HCN1: variants seen among roughly 807,000 people sequenced by gnomAD.
HCN1 encodes the protein hyperpolarization activated cyclic nucleotide gated potassium channel 1.
Under a neutral mutation model 78.9 loss-of-function variants are expected in HCN1, and 13 were observed. That is an observed-to-expected ratio of 0.16 (90% CI 0.11 to 0.26). The LOEUF (loss-of-function observed/expected upper bound fraction) is 0.26, where lower values mean the gene tolerates loss of function less well. Among genes scored for constraint, HCN1 ranks in the 10% least tolerant of loss-of-function variants. The pLI is 1.00. For synonymous variants in HCN1, 552 were observed against 455.5 expected (o/e 1.21, Z -2.70); for missense variants, 810 against 1,154.3 (o/e 0.70, Z 4.32).
chr5:45,606,639 C>A lies in HCN1; in HGVS notation c.849+38546G>T, dbSNP rs1344887074. Among the ~76,000 whole-genome samples, 14 of 151,990 alleles carry A rather than the reference C, an allele frequency of 9.2e-5. No individual in the cohort carries two copies. In the East Asian group the frequency reaches 2.5e-3, roughly 27 times the overall value. ...TAAAACCCATCCCACAAAAGCACAC[C>A]ATCTATCTAGGCCTGGCTTTGGAAA... On this transcript the variant is annotated intron_variant, in intron 2 of 7. Coordinates refer to ENST00000303230, the MANE Select transcript of HCN1 (RefSeq NM_021072.4).
intron 6 of HCN1, among the ~76,000 whole-genome samples, chr5:45,293,033 C>A (rs896375906): frequency 2.0e-5 from 3 of 151,974 alleles, no homozygotes; most frequent in African/African-American, 7.2e-5. Context: ...TTACCTAACA[C>A]CAGCACAAAG....
Position 45,371,112 on chromosome 5 carries a change from G to T in HCN1, c.1231-17866C>A, listed in dbSNP as rs562504121. On this transcript the variant is annotated intron_variant, in intron 4 of 7. Transcript: ENST00000303230. ...TAAGATACAACATACCAGAATCTCTGGGACTCAGCTAAGGCAGCGATAAGA... is the reference window on the plus strand; with the variant it reads ...TAAGATACAACATACCAGAATCTCTTGGACTCAGCTAAGGCAGCGATAAGA... 3.3e-5 allele frequency among the ~76,000 whole-genome samples: 5 copies of T among 152,076 alleles called. No homozygotes were observed. The South Asian group carries it at 8.3e-4, about 25-fold the overall frequency.
intron 2 of HCN1, among the ~76,000 whole-genome samples, chr5:45,541,402 G>A (rs531800812): frequency 1.6e-4 from 25 of 152,148 alleles, no homozygotes; most frequent in Non-Finnish European, 2.5e-4. Flanking sequence ...ACCTAGCCCC[G>A]TCCCTGTTTA....
At chr5:45,580,169 A>G (rs1271667775) in intron 2 of HCN1, among the ~76,000 whole-genome samples, 1 of 152,050 alleles carries the variant, frequency 6.6e-6, no homozygotes, top group Non-Finnish European at 1.5e-5. Flanking sequence ...AAGGAAATTA[A>G]GGTTGTGGAG....
Position 45,313,702 on chromosome 5 carries a change from G to A in HCN1, c.1378-9863C>T, listed in dbSNP as rs151310365. Among the ~76,000 whole-genome samples, 1,061 of 152,258 alleles carry A rather than the reference G, an allele frequency of 7.0e-3. 16 individuals are homozygous for A. Among genetic ancestry groups the A allele is most frequent in the African/African-American group, 0.024 (1,007 of 41,544 alleles). On this transcript the variant is annotated intron_variant, in intron 5 of 7. Coordinates refer to ENST00000303230, the MANE Select transcript of HCN1 (RefSeq NM_021072.4). The stretch of plus-strand genomic sequence containing the variant: ...CTGATGGAGCTGAAAACCATGGCAC[G>A]AGAACTAAGGGACGAATGCACAAGC...
At chr5:45,340,819 A>T (rs1746562838) in intron 5 of HCN1, among the ~76,000 whole-genome samples, 1 of 152,212 alleles carries the variant, frequency 6.6e-6, no homozygotes, top group African/African-American at 2.4e-5. Flanking sequence ...AGAATGAGAC[A>T]TCAGTTTTAA....
intron 2 of HCN1, among the ~76,000 whole-genome samples, chr5:45,485,497 T>C (rs1741738229): frequency 6.6e-6 from 1 of 152,108 alleles, no homozygotes; most frequent in Non-Finnish European, 1.5e-5. Flanking sequence ...AACAAAACAG[T>C]TTTTTCATCT....
chr5:45,580,466 T>A (rs1220333598), intron 2 of HCN1, among the ~76,000 whole-genome samples: 1 of 152,082 alleles, frequency 6.6e-6, no homozygotes, highest in Middle Eastern at 3.2e-3. Flanking sequence ...CCTACCTACA[T>A]CTTGATTTAA....
At chr5:45,509,377 C>T (rs1742364972) in intron 2 of HCN1, among the ~76,000 whole-genome samples, 1 of 151,994 alleles carries the variant, frequency 6.6e-6, no homozygotes, top group African/African-American at 2.4e-5. Flanking sequence ...TATATGCTCA[C>T]AGGCTGAGGA....
intron 3 of HCN1, among the ~76,000 whole-genome samples, chr5:45,454,710 C>T (rs1039578405): frequency 6.6e-6 from 1 of 151,810 alleles, no homozygotes; most frequent in South Asian, 2.1e-4. Flanking sequence ...TCAGTCATTA[C>T]CTAAGTAGTT....
chr5:45,501,778 G>GC (rs1473295612), intron 2 of HCN1, among the ~76,000 whole-genome samples: 2 of 152,120 alleles, frequency 1.3e-5, no homozygotes, highest in East Asian at 3.9e-4. Context: ...GTTATGATAT[G>GC]CCCCATATGC....
At chr5:45,500,020 T>A (rs1232603324) in intron 2 of HCN1, among the ~76,000 whole-genome samples, 1 of 152,136 alleles carries the variant, frequency 6.6e-6, no homozygotes, top group Non-Finnish European at 1.5e-5. Flanking sequence ...TAATTATAAT[T>A]TTATAATATA....
intron 5 of HCN1, among the ~76,000 whole-genome samples, chr5:45,342,702 G>A (rs943387430): frequency 1.3e-5 from 2 of 151,908 alleles, no homozygotes; most frequent in Non-Finnish European, 2.9e-5. Flanking sequence ...GTATCTTATG[G>A]CTATTCAAAA....
intron 3 of HCN1, among the ~76,000 whole-genome samples, chr5:45,426,967 T>C (rs1298605774): frequency 6.6e-6 from 1 of 152,034 alleles, no homozygotes; most frequent in African/African-American, 2.4e-5. Context: ...TTTTATACTA[T>C]ATGGCTATAA....
intron 3 of HCN1, among the ~76,000 whole-genome samples, chr5:45,413,257 T>C (rs35997793): frequency 0.25 from 38,682 of 151,930 alleles, 5,119 homozygotes; most frequent in East Asian, 0.32. Context: ...AGCAAAGGAA[T>C]AGAGTATCAA....
chr5:45,426,815 C>T (rs939365938), intron 3 of HCN1, among the ~76,000 whole-genome samples: 8 of 152,098 alleles, frequency 5.3e-5, no homozygotes, highest in Admixed American at 2.0e-4. Context: ...AAAAACCTTA[C>T]ATTTCTTCTC....
At chr5:45,688,326 C>T (rs1167397326) in intron 1 of HCN1, among the ~76,000 whole-genome samples, 1 of 152,082 alleles carries the variant, frequency 6.6e-6, no homozygotes, top group Non-Finnish European at 1.5e-5. Context: ...TTCACAAGAA[C>T]TGAATTCCTG....
chr5:45,598,263 G>A (rs10805695), intron 2 of HCN1, among the ~76,000 whole-genome samples: 70,540 of 151,820 alleles, frequency 0.46, 18,745 homozygotes, highest in Non-Finnish European at 0.58. Context: ...ATAAGACCAC[G>A]CATCTACAAT....
intron 6 of HCN1, among the ~76,000 whole-genome samples, chr5:45,301,348 A>G (rs1745616414): frequency 6.6e-6 from 1 of 151,222 alleles, no homozygotes; most frequent in Admixed American, 6.6e-5. Flanking sequence ...ATGTATAATA[A>G]TAAAATATAA....
Sources: gnomAD v4.1 joint callset for allele counts (sites outside exome capture counted in the v4.1 genomes callset) on GRCh38, gnomAD v4.1.1 for gene constraint, MANE v1.5 for transcripts, NCBI Gene and HGNC (gene_info 2026-07-23, HGNC 2026-07-21) for gene names.